Variants in RNF170 observed in about 807,000 individuals in gnomAD.
RNF170 encodes the protein E3 ubiquitin-protein ligase RNF170.
A neutral mutation model predicts 32.7 loss-of-function variants in RNF170; 12 were observed. The ratio of observed to expected loss-of-function variants is 0.37; its 90% confidence interval spans 0.24 to 0.60. The LOEUF is 0.60. Among genes scored for constraint, RNF170 ranks in the 20% least tolerant of loss-of-function variants. RNF170 has a pLI of 0.72. For missense variants in RNF170, 212 were observed against 311.2 expected (o/e 0.68, Z 2.40); for synonymous variants, 91 against 103.6 (o/e 0.88, Z 0.74).
chr8:42,887,162 T>C (rs958051536), intron 2 of RNF170, among the ~76,000 whole-genome samples: 1 of 151,976 alleles, frequency 6.6e-6, no homozygotes, highest in East Asian at 1.9e-4. Context: ...CATGGTGGCA[T>C]GTGCCTGTAA....
intron 5 of RNF170, among the ~76,000 whole-genome samples, chr8:42,862,825 A>G (rs760951839): frequency 1.3e-5 from 2 of 152,250 alleles, no homozygotes; most frequent in Non-Finnish European, 2.9e-5. Flanking sequence ...GCTTAGTGCT[A>G]GGTATGCCAG....
At chr8:42,896,753 C>CA (rs1806956307), upstream of RNF170, 1 of 144,586 alleles carries the variant, frequency 6.9e-6, no homozygotes, top group East Asian at 2.0e-4. Context: ...GCGGCAGCGG[C>CA]GGCGGCGGCG....
At chr8:42,886,303 G>A (rs1266149334) in intron 2 of RNF170, among the ~76,000 whole-genome samples, 2 of 152,054 alleles carry the variant, frequency 1.3e-5, no homozygotes, top group Admixed American at 6.6e-5. Context: ...TCTATTTGGT[G>A]TATATTAAAA....
intron 2 of RNF170, among the ~76,000 whole-genome samples, chr8:42,880,695 G>A (rs1805323669): frequency 6.6e-6 from 1 of 151,806 alleles, no homozygotes; most frequent in Non-Finnish European, 1.5e-5. Context: ...GCTTGAACCT[G>A]GGAGGTGAAG....
intron 2 of RNF170, among the ~76,000 whole-genome samples, chr8:42,877,309 C>T (rs532337645): frequency 6.6e-6 from 1 of 152,108 alleles, no homozygotes; most frequent in Non-Finnish European, 1.5e-5. Flanking sequence ...ACTTCCACCT[C>T]CCGGGTTCAA....
At chr8:42,875,133 T>C (rs915040995) in intron 2 of RNF170, among the ~76,000 whole-genome samples, 4 of 150,646 alleles carry the variant, frequency 2.7e-5, no homozygotes, top group African/African-American at 9.8e-5. Context: ...ATCACGCCAT[T>C]GCACTCCAGC....
intron 5 of RNF170, among the ~76,000 whole-genome samples, 168 bp downstream of exon 5, chr8:42,865,247 AT>A (rs1803995936): frequency 7.0e-6 from 1 of 142,972 alleles, no homozygotes; most frequent in East Asian, 1.9e-4. Context: ...TTCAAAAAAA[AT>A]AAAAAAAAAT....
intron 2 of RNF170, among the ~76,000 whole-genome samples, chr8:42,881,676 T>G (rs556463200): frequency 1.6e-4 from 24 of 152,368 alleles, no homozygotes; most frequent in African/African-American, 5.8e-4. Context: ...GGCTCATGCC[T>G]GTAACTTCCG....
chr8:42,888,511 C>T (rs1806022385), intron 1 of RNF170, among the ~76,000 whole-genome samples: 1 of 151,320 alleles, frequency 6.6e-6, no homozygotes, highest in Non-Finnish European at 1.5e-5. Context: ...GCCTGTAATC[C>T]CAGCATTATG....
rs1270668782 is a variant in RNF170, at chr8:42,896,512, A to C, written c.-36T>G. 1 of 453,920 alleles carries C rather than the reference A, an allele frequency of 2.2e-6. No individual in the cohort carries two copies. The highest frequency in any genetic ancestry group is 4.4e-6 in the Non-Finnish European group (1 of 226,708). 28.1% of individuals were successfully genotyped at this position (453,920 alleles called of 1,614,324 possible). A position where few individuals can be genotyped will look rare whatever the true frequency, so the allele number is the denominator to read the frequency against. Reference sequence around the variant, plus strand: ...TCCACCGCGAAGGAACTACCTCGCCAGTTCCCGGCGACAGAGGACAGATTA... The same window carrying C: ...TCCACCGCGAAGGAACTACCTCGCCCGTTCCCGGCGACAGAGGACAGATTA... On this transcript the variant is annotated 5_prime_UTR_variant, in exon 1 of 7. Transcript: ENST00000527424.
intron 1 of RNF170, among the ~76,000 whole-genome samples, chr8:42,890,928 C>T (rs1806249030): frequency 6.6e-6 from 1 of 152,198 alleles, no homozygotes; most frequent in South Asian, 2.1e-4. Context: ...TGGAAAGAGG[C>T]TGGTCTGATT....
downstream of RNF170, chr8:42,850,632 G>A: frequency 1.2e-6 from 1 of 829,450 alleles, no homozygotes; most frequent in South Asian, 1.7e-5. Flanking sequence ...GTTCTAGTGA[G>A]AAGCAGACAG....
rs1323551599 is a variant in RNF170, at chr8:42,873,941, T to C, written c.203A>G (p.Gln68Arg). The part of the protein sequence containing the change: ...ELVRVLREQL[Q>R]TEQDAPAATR... ...ATACATATACAATACCTGTTCTGTT[T>C]GAAGCTGTTCTCGAAGTACCCTTAC... Residue 68 changes from glutamine to arginine, a missense_variant, in exon 3 of 7, where the codon CAA (glutamine) becomes CGA (arginine). Transcript: ENST00000527424. 2.5e-6 allele frequency: 4 copies of C among 1,581,360 alleles called. No individual in the cohort carries two copies. Among genetic ancestry groups the C allele is most frequent in the Non-Finnish European group, 3.5e-6 (4 of 1,150,414 alleles).
chr8:42,857,914 A>G (rs1803360085), intron 6 of RNF170, among the ~76,000 whole-genome samples: 1 of 152,210 alleles, frequency 6.6e-6, no homozygotes, highest in African/African-American at 2.4e-5. Flanking sequence ...ACACACCTGT[A>G]ATCCCAGCTA....
At chr8:42,890,753 A>C (rs185064630) in intron 1 of RNF170, among the ~76,000 whole-genome samples, 4 of 152,312 alleles carry the variant, frequency 2.6e-5, no homozygotes, top group African/African-American at 9.6e-5. Flanking sequence ...TGGAAATCCC[A>C]ACAAAAGCCA....
At chr8:42,888,015 A>C in intron 1 of RNF170, 144 bp from the exon 2 acceptor site, 1 of 718,034 alleles carries the variant, frequency 1.4e-6, no homozygotes. Flanking sequence ...GTGGGGACTG[A>C]TGGAGTTCTT....
intron 2 of RNF170, among the ~76,000 whole-genome samples, chr8:42,882,026 A>T (rs1404981298): frequency 6.6e-6 from 1 of 152,158 alleles, no homozygotes; most frequent in Admixed American, 6.5e-5. Flanking sequence ...ATACAAATCA[A>T]AACCACAGTG....
chr8:42,854,190 C>G lies in RNF170; in HGVS notation c.*1969G>C, dbSNP rs1333276646. On this transcript the variant is annotated 3_prime_UTR_variant, in exon 7 of 7. Coordinates refer to ENST00000527424, the MANE Select transcript of RNF170 (RefSeq NM_030954.4). Reference sequence around the variant, plus strand: ...TTCATGTCATCTCCACAGACCTTTCCTCTTAGGAGTGCCTAAGCTGTCTTA... The same window carrying G: ...TTCATGTCATCTCCACAGACCTTTCGTCTTAGGAGTGCCTAAGCTGTCTTA... 2 of 1,287,246 alleles carry G rather than the reference C, an allele frequency of 1.6e-6. No individual in the cohort carries two copies. Among genetic ancestry groups the G allele is most frequent in the East Asian group, 1.1e-4 (2 of 18,032 alleles). The allele number at this position is 1,287,246 out of a possible 1,614,324, so 79.7% of individuals were successfully genotyped here. A position where few individuals can be genotyped will look rare whatever the true frequency, so the allele number is the denominator to read the frequency against.
chr8:42,885,067 G>A (rs1280216585), intron 2 of RNF170, among the ~76,000 whole-genome samples: 1 of 151,046 alleles, frequency 6.6e-6, no homozygotes, highest in Non-Finnish European at 1.5e-5. Flanking sequence ...TCCATCGCCT[G>A]AGAGCCACCA....
Sources: gnomAD v4.1 joint callset for allele counts (sites outside exome capture counted in the v4.1 genomes callset) on GRCh38, gnomAD v4.1.1 for gene constraint, MANE v1.5 for transcripts, NCBI Gene and HGNC (gene_info 2026-07-23, HGNC 2026-07-21) for gene names.